Variants in PSMC3IP observed in about 807,000 individuals in gnomAD.
PSMC3IP encodes PSMC3 interacting protein, also known as homologous-pairing protein 2 homolog.
A neutral mutation model predicts 34.9 loss-of-function variants in PSMC3IP; 26 were observed. The ratio of observed to expected loss-of-function variants is 0.74; its 90% CI spans 0.55 to 1.03. The LOEUF (loss-of-function observed/expected upper bound fraction) is 1.03. PSMC3IP is among the 50% of genes least tolerant of loss of function. The pLI is 0.00. For missense variants in PSMC3IP, 250 were observed against 263.1 expected, an observed-to-expected ratio of 0.95 and a Z score of 0.34; for synonymous variants, 87 against 96.5, an observed-to-expected ratio of 0.90 and a Z score of 0.57.
chr17:42,573,033 C>T lies in PSMC3IP; in HGVS notation c.598-9G>A, dbSNP rs2093045332. On this transcript the variant is annotated splice_polypyrimidine_tract_variant and intron_variant, in intron 7 of 7. Transcript: ENST00000393795. ...TCTATCCCAACTTCCTCCTGTGAGA[C>T]AGGGAGACAAGTGAATGAGATGTCA... The T allele has an allele frequency of 6.2e-7, 1 of 1,614,098 alleles. No individual in the cohort carries two copies. The highest frequency in any genetic ancestry group is 1.3e-5 in the African/African-American group (1 of 74,936).
intron 3 of PSMC3IP, 24 bp from the exon 4 acceptor site, chr17:42,574,234 C>G: frequency 6.2e-7 from 1 of 1,610,002 alleles, no homozygotes; most frequent in Non-Finnish European, 8.5e-7. Flanking sequence ...AGGGAAAATA[C>G]AAGTGAACTG....
Position 42,573,331 on chromosome 17 carries a change from A to G in PSMC3IP, c.517T>C (p.Trp173Arg), listed in dbSNP as rs576738087. ...CTTACCATCCTCTTCCTCTTCCTCC[A>G]CTCCTTACAGTACTTCTGCCTCTCT... ...YRERQKYCKEWRKRKRMATEL... is the reference protein window; with the variant it reads ...YRERQKYCKERRKRKRMATEL... Residue 173 changes from tryptophan to arginine, a missense_variant, in exon 6 of 8, where the codon TGG becomes CGG. Coordinates refer to ENST00000393795, the MANE Select transcript of PSMC3IP (RefSeq NM_016556.4). 1 of 1,613,600 alleles carries G rather than the reference A, an allele frequency of 6.2e-7. No homozygotes were observed. The highest frequency in any genetic ancestry group is 1.3e-5 in the African/African-American group (1 of 74,854).
chr17:42,577,421 G>C, intron 2 of PSMC3IP, 40 bp downstream of exon 2: 4 of 1,611,698 alleles, frequency 2.5e-6, no homozygotes, highest in Non-Finnish European at 3.4e-6. Context: ...CTGAATCCAG[G>C]GAGTCCGACG....
chr17:42,575,909 A>G (rs796982060), intron 3 of PSMC3IP, among the ~76,000 whole-genome samples: 8 of 151,088 alleles, frequency 5.3e-5, no homozygotes, highest in African/African-American at 1.9e-4. Flanking sequence ...AGTCCCAGCT[A>G]CTCTGGGAGG....
At chr17:42,576,053 A>G (rs1034391267) in intron 3 of PSMC3IP, among the ~76,000 whole-genome samples, 3 of 152,096 alleles carry the variant, frequency 2.0e-5, no homozygotes, top group African/African-American at 7.2e-5. Flanking sequence ...ACAAAAAGAG[A>G]TAAGGGCCTG....
At position 42,572,365 on chromosome 17, in the gene PSMC3IP, C is replaced by T. The variant is rs2143277815; in HGVS notation, c.*603G>A. The T allele has an allele frequency of 4.4e-6, 2 of 454,618 alleles. No individual in the cohort carries two copies. Among genetic ancestry groups the T allele is most frequent in the South Asian group, 1.6e-5 (1 of 64,474 alleles). The allele number at this position is 454,618 out of a possible 1,614,324, so 28.2% of individuals were successfully genotyped here. On this transcript the variant is annotated 3_prime_UTR_variant, in exon 8 of 8. Coordinates refer to ENST00000393795, the MANE Select transcript of PSMC3IP (RefSeq NM_016556.4). ...TACCAATGCAGTTTTGCTACGGTTA[C>T]AATTTTGAAATATTAACTGAGCCTC...
intron 3 of PSMC3IP, 52 bp from the exon 4 acceptor site, chr17:42,574,262 G>C: frequency 6.3e-7 from 1 of 1,585,982 alleles, no homozygotes; most frequent in Non-Finnish European, 8.6e-7. Flanking sequence ...GCACAAAGAT[G>C]GGAACACACA....
Position 42,574,126 on chromosome 17 carries a change from G to A in PSMC3IP, c.310C>T (p.Gln104Ter), listed in dbSNP as rs2093057155. Residue 104 changes from glutamine to a stop codon, truncating the protein, a stop_gained, in exon 4 of 8, where the codon CAG (glutamine) becomes TAG (stop). Transcript: ENST00000393795. LOFTEE classifies it high-confidence loss of function. The part of the protein sequence containing the change: ...VALTAKVQSL[Q>*]QSCRYMEAEL... ...GCCTCCATGTAGCGGCAGCTCTGCT[G>A]CAAGCTCTGCACCTTAGCAGTGAGG... 2.5e-6 allele frequency: 4 copies of A among 1,614,052 alleles called. No individual in the cohort carries two copies. Among genetic ancestry groups the A allele is most frequent in the Non-Finnish European group, 3.4e-6 (4 of 1,180,032 alleles).
At chr17:42,574,873 C>T (rs1046975083) in intron 3 of PSMC3IP, among the ~76,000 whole-genome samples, 2 of 152,192 alleles carry the variant, frequency 1.3e-5, no homozygotes, top group African/African-American at 4.8e-5. Context: ...CATGCCTCAG[C>T]CTCCTAAGTA....
intron 3 of PSMC3IP, chr17:42,576,642 A>T (rs116144057): frequency 0.012 from 2,170 of 181,638 alleles, 52 homozygotes; most frequent in African/African-American, 0.049. Flanking sequence ...TATAAAAATT[A>T]AAAAAATAAA....
rs530701874 is a variant in PSMC3IP at position 42,573,064 on chromosome 17, A to G, written c.598-40T>C. The G allele has an allele frequency of 7.4e-6, 12 of 1,614,152 alleles. No homozygotes were observed. In the African/African-American group the frequency reaches 1.6e-4, roughly 22 times the overall value. ...GACAAGTGAATGAGATGTCACCAGG[A>G]TAAGACCACAGGGAAGCAAAGAAGG... On this transcript the variant is annotated intron_variant, in intron 7 of 7. Transcript: ENST00000393795.
At chr17:42,576,882 A>G in intron 3 of PSMC3IP, 1 of 376,708 alleles carries the variant, frequency 2.7e-6, no homozygotes, top group Non-Finnish European at 5.1e-6. Context: ...TATAAATTTG[A>G]TATGTGTGTT....
chr17:42,575,892 T>C lies in PSMC3IP; in HGVS notation c.225+1321A>G, dbSNP rs375439657. On this transcript the variant is annotated intron_variant, in intron 3 of 7. Coordinates refer to ENST00000393795, the MANE Select transcript of PSMC3IP (RefSeq NM_016556.4). ...AAAAAAAATTAGGCTTCGTGGCGGG[T>C]GCCTGTAGTCCCAGCTACTCTGGGA... is the stretch of plus-strand genomic sequence containing the variant. Among the ~76,000 whole-genome samples, 102 of 145,374 alleles carry C rather than the reference T, an allele frequency of 7.0e-4. 2 individuals carry two copies. The highest frequency in any genetic ancestry group is 2.5e-3 in the African/African-American group (99 of 39,392).
chr17:42,576,938 G>C lies in PSMC3IP; in HGVS notation c.225+275C>G, dbSNP rs1445431458. The C allele has an allele frequency of 5.5e-6, 3 of 542,062 alleles. No homozygotes were observed. In the African/African-American group the frequency reaches 5.8e-5, roughly 11 times the overall value. The allele number at this position is 542,062 out of a possible 1,614,324, so 33.6% of individuals were successfully genotyped here. On this transcript the variant is annotated intron_variant, in intron 3 of 7. Transcript: ENST00000393795. Reference sequence around the variant, plus strand: ...GGAGGAACATCATTTGGCAGAGGGTGTTGCTAATGTAGATGATAAGGAATA... The same window carrying C: ...GGAGGAACATCATTTGGCAGAGGGTCTTGCTAATGTAGATGATAAGGAATA...
chr17:42,574,039 T>A, intron 4 of PSMC3IP, 60 bp downstream of exon 4: 1 of 1,602,818 alleles, frequency 6.2e-7, no homozygotes, highest in Non-Finnish European at 8.5e-7. Flanking sequence ...ATTTAGTAAT[T>A]CCTGACCTCT....
rs2093038645 is a variant in PSMC3IP at position 42,572,447 on chromosome 17, G to C, written c.*521C>G. 2.2e-6 allele frequency: 1 copy of C among 454,472 alleles called. No homozygotes were observed. The highest frequency in any genetic ancestry group is 2.0e-5 in the African/African-American group (1 of 49,962). The allele number at this position is 454,472 out of a possible 1,614,324, so 28.2% of individuals were successfully genotyped here. A position where few individuals can be genotyped will look rare whatever the true frequency, so the allele number is the denominator to read the frequency against. On this transcript the variant is annotated 3_prime_UTR_variant, in exon 8 of 8. Transcript: ENST00000393795. ...CCTCTCCCATGTCTCAGTGTTGCCT[G>C]CATTTCTCCCAGGACTTGGGGGTGG...
In PSMC3IP at chr17:42,574,484, T is replaced by C. The variant is rs1161043202; in HGVS notation, c.226-274A>G. On this transcript the variant is annotated intron_variant, in intron 3 of 7. Coordinates refer to ENST00000393795, the MANE Select transcript of PSMC3IP (RefSeq NM_016556.4). ...ACTGATTAGGACAGAAATCTTCCCA[T>C]TTAGTGATAAAACCACTACCTGGGC... 3.2e-6 allele frequency: 3 copies of C among 946,688 alleles called. No homozygotes were observed. In the African/African-American group the frequency reaches 5.1e-5, roughly 16 times the overall value. 58.6% of individuals were successfully genotyped at this position (946,688 alleles called of 1,614,324 possible).
At position 42,574,039 on chromosome 17, in the gene PSMC3IP, T is replaced by G. The variant is rs779738052; in HGVS notation, c.337+60A>C. ...GTCATTGAACCATTCATTTAGTAAT[T>G]CCTGACCTCTAGAATGAACCTAAGC... is the stretch of plus-strand genomic sequence containing the variant. On this transcript the variant is annotated intron_variant, in intron 4 of 7. Coordinates refer to ENST00000393795, the MANE Select transcript of PSMC3IP (RefSeq NM_016556.4). 9 of 1,602,700 alleles carry G rather than the reference T, an allele frequency of 5.6e-6. No homozygotes were observed. The African/African-American group carries it at 1.1e-4, about 19-fold the overall frequency.
rs1324601129 is a variant in PSMC3IP at position 42,572,344 on chromosome 17, A to C, written c.*624T>G. 2.2e-6 allele frequency: 1 copy of C among 454,376 alleles called. No homozygotes were observed. Among genetic ancestry groups the C allele is most frequent in the Non-Finnish European group, 4.4e-6 (1 of 226,748 alleles). The allele number at this position is 454,376 out of a possible 1,614,324, so 28.1% of individuals were successfully genotyped here. A position where few individuals can be genotyped will look rare whatever the true frequency, so the allele number is the denominator to read the frequency against. Reference sequence around the variant, plus strand: ...GAAATTTTTTATTTTTCTAAATACCAATGCAGTTTTGCTACGGTTACAATT... The same window carrying C: ...GAAATTTTTTATTTTTCTAAATACCCATGCAGTTTTGCTACGGTTACAATT... On this transcript the variant is annotated 3_prime_UTR_variant, in exon 8 of 8. Transcript: ENST00000393795.
Sources: gnomAD v4.1 joint callset for allele counts (sites outside exome capture counted in the v4.1 genomes callset) on GRCh38, gnomAD v4.1.1 for gene constraint, MANE v1.5 for transcripts, NCBI Gene and HGNC (gene_info 2026-07-23, HGNC 2026-07-21) for gene names.